SH3RF2: variants seen among roughly 807,000 people sequenced by gnomAD.
SH3RF2 encodes E3 ubiquitin-protein ligase SH3RF2.
A neutral mutation model predicts 59.0 loss-of-function variants in SH3RF2; 43 were observed. That is an observed-to-expected ratio of 0.73 (90% confidence interval 0.57 to 0.94). The LOEUF (loss-of-function observed/expected upper bound fraction) is 0.94. Among genes scored for constraint, SH3RF2 ranks in the 40% least tolerant of loss-of-function variants. The pLI, the probability that SH3RF2 is intolerant of heterozygous loss-of-function variation, is 0.00. For synonymous variants in SH3RF2, 391 were observed against 391.5 expected, an observed-to-expected ratio of 1.00 and a Z score of 0.01; for missense variants, 930 against 940.1, an observed-to-expected ratio of 0.99 and a Z score of 0.14.
intron 2 of SH3RF2, among the ~76,000 whole-genome samples, chr5:145,954,602 G>C (rs937953033): frequency 5.9e-5 from 9 of 152,140 alleles, no homozygotes; most frequent in African/African-American, 1.7e-4. Flanking sequence ...ATTGCTTTTA[G>C]TGTCTTTGTC....
chr5:146,079,201 T>C (rs1763388283), exon 10 of SH3RF2: 1 of 152,268 alleles, frequency 6.6e-6, no homozygotes, highest in South Asian at 2.1e-4. Flanking sequence ...TAGAAAGATA[T>C]AAATATCACT....
intron 2 of SH3RF2, among the ~76,000 whole-genome samples, chr5:145,987,291 T>C (rs1305128105): frequency 6.6e-6 from 1 of 152,156 alleles, no homozygotes; most frequent in Non-Finnish European, 1.5e-5. Context: ...GGTGCACCCA[T>C]CACCTGAGCA....
chr5:145,946,353 C>T (rs935277551), intron 2 of SH3RF2, among the ~76,000 whole-genome samples: 3 of 152,172 alleles, frequency 2.0e-5, no homozygotes, highest in Non-Finnish European at 4.4e-5. Flanking sequence ...GTGCTCAGAG[C>T]ACCCAGCCCA....
chr5:145,971,508 A>G (rs1759078574), intron 2 of SH3RF2, among the ~76,000 whole-genome samples: 1 of 152,224 alleles, frequency 6.6e-6, no homozygotes, highest in African/African-American at 2.4e-5. Flanking sequence ...TAGAACAAAC[A>G]GGTTATTTTT....
At chr5:146,037,320 A>C (rs1031810176) in intron 5 of SH3RF2, among the ~76,000 whole-genome samples, 1 of 152,126 alleles carries the variant, frequency 6.6e-6, no homozygotes, top group Non-Finnish European at 1.5e-5. Flanking sequence ...TCAAACCCAC[A>C]TCAGACAGCC....
intron 2 of SH3RF2, among the ~76,000 whole-genome samples, chr5:145,986,882 T>C (rs1759728883): frequency 6.6e-6 from 1 of 152,184 alleles, no homozygotes; most frequent in African/African-American, 2.4e-5. Context: ...CCAGGTGATG[T>C]AAACTCCTAC....
At chr5:145,966,195 A>G (rs981168540) in intron 2 of SH3RF2, among the ~76,000 whole-genome samples, 1 of 152,224 alleles carries the variant, frequency 6.6e-6, no homozygotes, top group African/African-American at 2.4e-5. Flanking sequence ...CTAAAGATCA[A>G]AGATCATTCT....
intron 2 of SH3RF2, among the ~76,000 whole-genome samples, chr5:145,964,128 G>A (rs74582310): frequency 0.096 from 14,523 of 151,410 alleles, 1,040 homozygotes; most frequent in East Asian, 0.27. Context: ...CACCGTGCCC[G>A]GCCTCTTCCT....
chr5:146,066,418 G>T (rs1299501078), downstream of SH3RF2, among the ~76,000 whole-genome samples: 2 of 152,190 alleles, frequency 1.3e-5, no homozygotes, highest in Non-Finnish European at 2.9e-5. Flanking sequence ...CTATTATGAG[G>T]ATTATCTGAG....
intron 5 of SH3RF2, among the ~76,000 whole-genome samples, chr5:146,021,907 T>C (rs773487340): frequency 4.5e-4 from 68 of 152,226 alleles, no homozygotes; most frequent in Non-Finnish European, 8.4e-4. Flanking sequence ...ACAAGGTTAT[T>C]GGGAAAATCA....
intron 2 of SH3RF2, among the ~76,000 whole-genome samples, chr5:145,959,613 A>G (rs1283393144): frequency 7.1e-6 from 1 of 139,944 alleles, no homozygotes; most frequent in Non-Finnish European, 1.5e-5. Flanking sequence ...TGCTATATAT[A>G]TATGTGTGTG....
chr5:146,041,659 G>T (rs775614664), intron 5 of SH3RF2, among the ~76,000 whole-genome samples: 2 of 152,158 alleles, frequency 1.3e-5, no homozygotes, highest in Non-Finnish European at 2.9e-5. Flanking sequence ...TAGGCCAGGC[G>T]CAGTGGCTCA....
intron 4 of SH3RF2, among the ~76,000 whole-genome samples, chr5:146,005,571 G>A (rs933312397): frequency 6.6e-6 from 1 of 152,168 alleles, no homozygotes; most frequent in Admixed American, 6.5e-5. Context: ...AAGGGATGGA[G>A]GAAGGGTCCA....
At chr5:146,032,732 A>C (rs1761785193) in intron 5 of SH3RF2, among the ~76,000 whole-genome samples, 1 of 152,124 alleles carries the variant, frequency 6.6e-6, no homozygotes, top group Non-Finnish European at 1.5e-5. Context: ...TGTGCCCATA[A>C]ATCACATTTC....
At chr5:146,027,256 G>GA (rs1368617327) in intron 5 of SH3RF2, among the ~76,000 whole-genome samples, 1 of 151,772 alleles carries the variant, frequency 6.6e-6, no homozygotes, top group East Asian at 1.9e-4. Flanking sequence ...ATGAATGCAG[G>GA]AAAAAAAAGA....
chr5:146,072,076 G>A (rs1763251144), intron 9 of SH3RF2, among the ~76,000 whole-genome samples: 1 of 152,182 alleles, frequency 6.6e-6, no homozygotes, highest in Non-Finnish European at 1.5e-5. Context: ...GCAGCACAGA[G>A]AAATGTGACA....
intron 6 of SH3RF2, 108 bp from the exon 7 acceptor site, chr5:146,048,967 G>T (rs1371674923): frequency 6.0e-6 from 8 of 1,339,252 alleles, no homozygotes; most frequent in Non-Finnish European, 8.4e-6. Context: ...GACCAAGAAG[G>T]TTCTTATTGC....
intron 2 of SH3RF2, among the ~76,000 whole-genome samples, chr5:145,990,165 G>A (rs1050652135): frequency 3.9e-5 from 6 of 152,078 alleles, no homozygotes; most frequent in Non-Finnish European, 8.8e-5. Context: ...TATTGTCAGG[G>A]CTCTAGCTAT....
chr5:145,994,460 A>G (rs1460651755), intron 2 of SH3RF2, among the ~76,000 whole-genome samples: 1 of 152,200 alleles, frequency 6.6e-6, no homozygotes, highest in Non-Finnish European at 1.5e-5. Flanking sequence ...GCCTGGGAAG[A>G]AAAGGAGGTT....
Sources: allele counts gnomAD v4.1 joint callset (sites outside exome capture counted in the v4.1 genomes callset), GRCh38; gene constraint gnomAD v4.1.1; transcripts MANE v1.5; gene names NCBI Gene and HGNC (gene_info 2026-07-23, HGNC 2026-07-21).